The following WNT4 variants were observed in gnomAD, a reference collection of about 807,000 sequenced individuals.
WNT4 encodes Wnt family member 4.
WNT4 carries 16 observed loss-of-function variants against 34.5 expected under a neutral mutation model. The observed-to-expected ratio is 0.46, with a 90% confidence interval of 0.31 to 0.70. The LOEUF is 0.70. Among genes scored for constraint, WNT4 ranks in the 30% least tolerant of loss-of-function variants. WNT4 has a pLI of 0.04. For missense variants in WNT4, 379 were observed against 495.9 expected, an observed-to-expected ratio of 0.76 and a Z score of 2.24; for synonymous variants, 200 against 211.9, an observed-to-expected ratio of 0.94 and a Z score of 0.49.
intron 2 of WNT4, 42 bp from the exon 3 acceptor site, chr1:22,121,618 C>T: frequency 1.2e-6 from 2 of 1,602,918 alleles, no homozygotes; most frequent in Non-Finnish European, 8.5e-7. Context: ...TCCCAGGGCT[C>T]CTCCCTGCAC....
intron 2 of WNT4, among the ~76,000 whole-genome samples, chr1:22,121,901 CA>C (rs1165469308): frequency 6.6e-6 from 1 of 152,204 alleles, no homozygotes; most frequent in Non-Finnish European, 1.5e-5. Flanking sequence ...AGCCAGCAGA[CA>C]GTCTGGCTTC....
rs1646032356 is a variant in WNT4 at position 22,137,548 on chromosome 1, G to A, written c.77+5298C>T. Among the ~76,000 whole-genome samples, 2 of 152,250 alleles carry A rather than the reference G, an allele frequency of 1.3e-5. No homozygotes were observed. Among genetic ancestry groups the A allele is most frequent in the African/African-American group, 2.4e-5 (1 of 41,468 alleles). On this transcript the variant is annotated intron_variant, in intron 1 of 4. Transcript: ENST00000290167. The surrounding 1 kb of genome is among the most constrained non-coding windows in gnomAD (Gnocchi z 5.3). ...GGAGGAGGCTTGGTGCAAATGCTCA[G>A]CTTTCCCAGTGTACCCACAGAGCCT...
intron 2 of WNT4, among the ~76,000 whole-genome samples, chr1:22,123,376 A>G (rs570862625): frequency 6.6e-6 from 1 of 152,158 alleles, no homozygotes; most frequent in African/African-American, 2.4e-5. Context: ...CATTCCCCAA[A>G]CCAACATTCA....
chr1:22,142,969 G>C lies in WNT4; in HGVS notation c.-47C>G. 2.0e-6 allele frequency: 2 copies of C among 999,494 alleles called. No homozygotes were observed. The highest frequency in any genetic ancestry group is 2.4e-6 in the Non-Finnish European group (2 of 841,408). The allele number at this position is 999,494 out of a possible 1,614,324, so 61.9% of individuals were successfully genotyped here. Reference sequence around the variant, plus strand: ...CCCGGGGCAGCGGCTGCGGCCGCGGGGGGCCTCCCGTCGGGGCTGCAGGTG... The same window carrying C: ...CCCGGGGCAGCGGCTGCGGCCGCGGCGGGCCTCCCGTCGGGGCTGCAGGTG... On this transcript the variant is annotated 5_prime_UTR_variant, in exon 1 of 5. Coordinates refer to ENST00000290167, the MANE Select transcript of WNT4 (RefSeq NM_030761.5). The surrounding 1 kb of genome is among the most constrained non-coding windows in gnomAD (Gnocchi z 6.0).
At position 22,134,353 on chromosome 1, in the gene WNT4, T is replaced by C. The variant is rs1372457688; in HGVS notation, c.78-4502A>G. Among the ~76,000 whole-genome samples the C allele has an allele frequency of 6.6e-6, 1 of 152,188 alleles. No homozygotes were observed. The highest frequency in any genetic ancestry group is 1.5e-5 in the Non-Finnish European group (1 of 68,014). ...GGCGAAAGTGACCACAGTCCCCATC[T>C]AGGACTGTGTTCTTAGGGGGATGGT... is the stretch of plus-strand genomic sequence containing the variant. On this transcript the variant is annotated intron_variant, in intron 1 of 4. Transcript: ENST00000290167. This position sits in a 1 kb window ranked among gnomAD's most constrained non-coding sequence, Gnocchi z 4.1.
At chr1:22,129,921 C>T (rs1456982337) in intron 1 of WNT4, 70 bp from the exon 2 acceptor site, 7 of 1,564,500 alleles carry the variant, frequency 4.5e-6, no homozygotes, top group Admixed American at 3.3e-5. Context: ...CAGGCCTGAG[C>T]TCCAGCCCGG....
At chr1:22,141,563 C>T (rs1034938374) in intron 1 of WNT4, among the ~76,000 whole-genome samples, 20 of 152,174 alleles carry the variant, frequency 1.3e-4, no homozygotes, top group African/African-American at 4.6e-4. Flanking sequence ...CAAATTAAGG[C>T]TCCAAGAAAA....
rs1239106873 is a variant in WNT4, at chr1:22,136,151, C to T, written c.78-6300G>A. On this transcript the variant is annotated intron_variant, in intron 1 of 4. Coordinates refer to ENST00000290167, the MANE Select transcript of WNT4 (RefSeq NM_030761.5). ...GCTGCCTCAGGGCCACAAAGTAGCC[C>T]CTTGGACCTGAGCCTGGATGGCCCC... 3.9e-5 allele frequency among the ~76,000 whole-genome samples: 6 copies of T among 152,170 alleles called. 1 individual carries two copies. The South Asian group carries it at 8.3e-4, about 21-fold the overall frequency.
At chr1:22,136,919 C>T (rs1646026886) in intron 1 of WNT4, among the ~76,000 whole-genome samples, 1 of 152,152 alleles carries the variant, frequency 6.6e-6, no homozygotes, top group Non-Finnish European at 1.5e-5. Context: ...CTGTCTCCAG[C>T]CCTTGGGGAA....
Position 22,142,606 on chromosome 1 carries a change from G to A in WNT4, c.77+240C>T, listed in dbSNP as rs1238788167. Among the ~76,000 whole-genome samples the A allele has an allele frequency of 1.3e-5, 2 of 151,744 alleles. No individual in the cohort carries two copies. The highest frequency in any genetic ancestry group is 2.9e-5 in the Non-Finnish European group (2 of 67,906). On this transcript the variant is annotated intron_variant, in intron 1 of 4. Transcript: ENST00000290167. The surrounding 1 kb of genome is among the most constrained non-coding windows in gnomAD (Gnocchi z 6.0). ...CGAGCCGCCTACCGGTGCGGACGCC[G>A]CCACAGCCACCCCTGACGCCTCTGG...
rs1646083891 is a variant in WNT4, at chr1:22,142,943, GC to G, written c.-22del. ...CTCATGGTGCCGCCGCGGGCGCCCG[GC>G]CCGGGGCAGCGGCTGCGGCCGCGGG... On this transcript the variant is annotated 5_prime_UTR_variant, in exon 1 of 5. Coordinates refer to ENST00000290167, the MANE Select transcript of WNT4 (RefSeq NM_030761.5). The surrounding 1 kb of genome is among the most constrained non-coding windows in gnomAD (Gnocchi z 6.0). The G allele has an allele frequency of 1.8e-6, 2 of 1,081,604 alleles. No homozygotes were observed. Among genetic ancestry groups the G allele is most frequent in the Non-Finnish European group, 1.1e-6 (1 of 882,008 alleles). 67.0% of individuals were successfully genotyped at this position (1,081,604 alleles called of 1,614,324 possible).
chr1:22,121,147 A>G, intron 4 of WNT4, 64 bp downstream of exon 4: 17 of 1,509,210 alleles, frequency 1.1e-5, no homozygotes, highest in Non-Finnish European at 1.5e-5. Context: ...TGTGGGTGGG[A>G]GAGTCTGGGG....
At chr1:22,129,359 C>A (rs1315300947) in intron 2 of WNT4, among the ~76,000 whole-genome samples, 1 of 152,242 alleles carries the variant, frequency 6.6e-6, no homozygotes, top group Non-Finnish European at 1.5e-5. Flanking sequence ...ACACGGTGCT[C>A]TTTTGAGTGC....
At chr1:22,132,199 T>A (rs1645989667) in intron 1 of WNT4, among the ~76,000 whole-genome samples, 1 of 152,204 alleles carries the variant, frequency 6.6e-6, no homozygotes, top group East Asian at 1.9e-4. Flanking sequence ...AGACCGAGGC[T>A]TGGCCTCTTG....
At chr1:22,131,545 C>T (rs996311464) in intron 1 of WNT4, among the ~76,000 whole-genome samples, 3 of 152,170 alleles carry the variant, frequency 2.0e-5, no homozygotes, top group African/African-American at 4.8e-5. Context: ...TGGCATTGAT[C>T]CCCAGGATGT....
chr1:22,120,311 G>A lies in WNT4; in HGVS notation c.795C>T (p.His265=). 6.2e-7 allele frequency: 1 copy of A among 1,614,240 alleles called. No homozygotes were observed. The highest frequency in any genetic ancestry group is 8.5e-7 in the Non-Finnish European group (1 of 1,180,048). ...LVPRNAQFKP[H]TDEDLVYLEP... Reference sequence around the variant, plus strand: ...CCAAGTACACCAGGTCCTCATCTGTGTGCGGCTTGAACTGTGCGTTGCGTG... The same window carrying A: ...CCAAGTACACCAGGTCCTCATCTGTATGCGGCTTGAACTGTGCGTTGCGTG... The change falls in exon 5 of 5, where the codon CAC becomes CAT. Residue 265 remains histidine (H), a synonymous_variant. Transcript: ENST00000290167.
intron 1 of WNT4, among the ~76,000 whole-genome samples, chr1:22,138,410 C>T (rs553094002): frequency 9.9e-5 from 15 of 152,132 alleles, no homozygotes; most frequent in Admixed American, 9.8e-4. Flanking sequence ...TTGCCCGCCC[C>T]CCAGGGGACA....
rs1646003986 is a variant in WNT4 at position 22,134,107 on chromosome 1, C to T, written c.78-4256G>A. Among the ~76,000 whole-genome samples, 1 of 152,352 alleles carries T rather than the reference C, an allele frequency of 6.6e-6. No homozygotes were observed. Among genetic ancestry groups the T allele is most frequent in the Non-Finnish European group, 1.5e-5 (1 of 68,034 alleles). ...CCAAGCAGATCAGTGTCGTGGGTCCCGGCCCTGCGGGTGTCCAGGTGGGGG... is the reference window on the plus strand; with the variant it reads ...CCAAGCAGATCAGTGTCGTGGGTCCTGGCCCTGCGGGTGTCCAGGTGGGGG... On this transcript the variant is annotated intron_variant, in intron 1 of 4. Coordinates refer to ENST00000290167, the MANE Select transcript of WNT4 (RefSeq NM_030761.5). This position sits in a 1 kb window ranked among gnomAD's most constrained non-coding sequence, Gnocchi z 4.1.
At chr1:22,131,411 C>T (rs1032679699) in intron 1 of WNT4, among the ~76,000 whole-genome samples, 1 of 152,144 alleles carries the variant, frequency 6.6e-6, no homozygotes, top group African/African-American at 2.4e-5. Context: ...ATTGAATGTG[C>T]CTTAGGTGCA....
Sources: allele counts gnomAD v4.1 joint callset (sites outside exome capture counted in the v4.1 genomes callset), GRCh38; gene constraint gnomAD v4.1.1; non-coding constraint Gnocchi (gnomAD v3.1); transcripts MANE v1.5; gene names NCBI Gene and HGNC (gene_info 2026-07-23, HGNC 2026-07-21).